Variants in SRSF2 observed in about 807,000 individuals in gnomAD.
SRSF2 encodes the protein serine/arginine-rich splicing factor 2.
SRSF2 carries 4 observed loss-of-function variants against 15.7 expected under a neutral mutation model. The ratio of observed to expected loss-of-function variants is 0.26; its 90% CI spans 0.13 to 0.58. The LOEUF (loss-of-function observed/expected upper bound fraction) is 0.58. Ranked by LOEUF, SRSF2 falls within the 20% of genes least tolerant of loss-of-function variation. SRSF2 has a pLI of 0.90. For missense variants in SRSF2, 147 were observed against 332.4 expected (o/e 0.44, Z 4.34); for synonymous variants, 192 against 138.9 (o/e 1.38, Z -2.69).
At position 76,736,302 on chromosome 17, in the gene SRSF2, C is replaced by CGACGAG; in HGVS notation, c.519_524dup (p.Ser174_Ser175dup). The CGACGAG allele has an allele frequency of 6.2e-7, 1 of 1,614,146 alleles. No homozygotes were observed. The highest frequency in any genetic ancestry group is 8.5e-7 in the Non-Finnish European group (1 of 1,180,000). The stretch of plus-strand genomic sequence containing the variant: ...TGGACCGCGAACGAGATCTGGAGAC[C>CGACGAG]GACGAGGACTTGGACTTGGACCTTC... On this transcript the variant is annotated inframe_insertion, in exon 2 of 3. Coordinates refer to ENST00000359995, the MANE Select transcript of SRSF2 (RefSeq NM_001195427.2).
chr17:76,736,824 C>A lies in SRSF2; in HGVS notation c.337G>T (p.Gly113Cys). Residue 113 changes from glycine (G) to cysteine (C), a missense_variant, in exon 1 of 3, where the codon GGT (glycine) becomes TGT (cysteine). By Grantham distance (159) the Gly-to-Cys change is radical. This residue lies in a region of SRSF2 where 125 missense variants were observed against 185.1 expected (regional missense o/e 0.68). Coordinates refer to ENST00000359995, the MANE Select transcript of SRSF2 (RefSeq NM_001195427.2). Reference sequence around the variant, plus strand: ...CTGCGGCTCCGGCGTCCGTAGCCACCGCCCCCGTACCTGCGGGGTGGCGGT... The same window carrying A: ...CTGCGGCTCCGGCGTCCGTAGCCACAGCCCCCGTACCTGCGGGGTGGCGGT... ...RGPPPRRYGG[G>C]GYGRRSRSPR... 1 of 1,594,160 alleles carries A rather than the reference C, an allele frequency of 6.3e-7. No individual in the cohort carries two copies. The highest frequency in any genetic ancestry group is 2.2e-5 in the East Asian group (1 of 44,478).
Position 76,737,226 on chromosome 17 carries a change from C to G in SRSF2, c.-66G>C. ...GCTTCCTCAGCTCTGGGCGGTGCGA[C>G]GCCGCGCCTCTCAGGCAGTTGCCTT... On this transcript the variant is annotated 5_prime_UTR_variant, in exon 1 of 3. Coordinates refer to ENST00000359995, the MANE Select transcript of SRSF2 (RefSeq NM_001195427.2). 1 of 1,466,264 alleles carries G rather than the reference C, an allele frequency of 6.8e-7. No individual in the cohort carries two copies. The highest frequency in any genetic ancestry group is 9.1e-7 in the Non-Finnish European group (1 of 1,103,174). 90.8% of individuals were successfully genotyped at this position (1,466,264 alleles called of 1,614,324 possible).
chr17:76,735,963 C>G (rs1434146124), intron 2 of SRSF2, 191 bp downstream of exon 2: 1 of 627,214 alleles, frequency 1.6e-6, no homozygotes, highest in Admixed American at 2.8e-5. Flanking sequence ...TACGAAACAG[C>G]CATTATTATC....
chr17:76,736,137 G>C lies in SRSF2; in HGVS notation c.*7+17C>G, dbSNP rs143205325. 12 of 1,571,480 alleles carry C rather than the reference G, an allele frequency of 7.6e-6. No homozygotes were observed. In the African/African-American group the frequency reaches 9.5e-5, roughly 12 times the overall value. On this transcript the variant is annotated intron_variant, in intron 2 of 2. Coordinates refer to ENST00000359995, the MANE Select transcript of SRSF2 (RefSeq NM_001195427.2). ...TTTATGAATTAGGGTTATGTGTCTC[G>C]GATTCCCAGACATTACCATTTTCTT...
In SRSF2 at chr17:76,735,030, G is replaced by A. The variant is rs1229858338; in HGVS notation, c.*136C>T. 1 of 221,320 alleles carries A rather than the reference G, an allele frequency of 4.5e-6. No individual in the cohort carries two copies. The highest frequency in any genetic ancestry group is 9.1e-6 in the Non-Finnish European group (1 of 110,282). The allele number at this position is 221,320 out of a possible 1,614,324, so 13.7% of individuals were successfully genotyped here. On this transcript the variant is annotated 3_prime_UTR_variant, in exon 3 of 3. Transcript: ENST00000359995. Reference sequence around the variant, plus strand: ...GCCAACTGAGGCAAAGCTTAAACAAGTAAAAAGTTAGACAAATGTTACAAA... The same window carrying A: ...GCCAACTGAGGCAAAGCTTAAACAAATAAAAAGTTAGACAAATGTTACAAA...
intron 1 of SRSF2, 94 bp from the exon 2 acceptor site, chr17:76,736,558 C>A: frequency 6.5e-6 from 9 of 1,387,864 alleles, no homozygotes; most frequent in Non-Finnish European, 8.7e-6. Flanking sequence ...ATTATCTCGC[C>A]GCCAGACGCC....
Position 76,737,331 on chromosome 17 carries a change from T to G in SRSF2, c.-171A>C. ...CAGGCTAGCGCACCTGAGTAACAAC[T>G]GGGCGGGCAGCCGGCCTCTGCGCCC... On this transcript the variant is annotated 5_prime_UTR_variant, in exon 1 of 3. Transcript: ENST00000359995. 1 of 866,334 alleles carries G rather than the reference T, an allele frequency of 1.2e-6. No homozygotes were observed. The highest frequency in any genetic ancestry group is 1.7e-5 in the African/African-American group (1 of 58,862). The allele number at this position is 866,334 out of a possible 1,614,324, so 53.7% of individuals were successfully genotyped here.
At chr17:76,735,290 A>C (rs2077404289) in intron 2 of SRSF2, 132 bp from the exon 3 acceptor site, 1 of 218,480 alleles carries the variant, frequency 4.6e-6, no homozygotes, top group South Asian at 1.9e-4. Context: ...CCATGTTTTT[A>C]AAAGGCCCAA....
intron 2 of SRSF2, 56 bp downstream of exon 2, chr17:76,736,094 GACCT>G: frequency 6.7e-7 from 1 of 1,494,280 alleles, no homozygotes; most frequent in Middle Eastern, 1.8e-4. Flanking sequence ...GACTCAAAAA[GACCT>G]ACCCCAAATC....
In SRSF2 at chr17:76,736,510, G is replaced by GGGGCC. The variant is rs761880835; in HGVS notation, c.363-51_363-47dup. 7.6e-6 allele frequency: 12 copies of GGGGCC among 1,583,670 alleles called. No individual in the cohort carries two copies. The Middle Eastern group carries it at 6.7e-4, about 88-fold the overall frequency. On this transcript the variant is annotated intron_variant, in intron 1 of 2. Coordinates refer to ENST00000359995, the MANE Select transcript of SRSF2 (RefSeq NM_001195427.2). Reference sequence around the variant, plus strand: ...CACAGCGGGGTTAATTCCAGGCAGCGGGGCCGGCCCCGCCCGCGCGCTCCC... The same window carrying GGGGCC: ...CACAGCGGGGTTAATTCCAGGCAGCGGGGCCGGGCCGGCCCCGCCCGCGCGCTCCC...
Position 76,735,005 on chromosome 17 carries a change from G to A in SRSF2, c.*161C>T, listed in dbSNP as rs1411503871. The stretch of plus-strand genomic sequence containing the variant: ...CAAAATGGCACATAAAATGAAGTTT[G>A]CCAACTGAGGCAAAGCTTAAACAAG... On this transcript the variant is annotated 3_prime_UTR_variant, in exon 3 of 3. Coordinates refer to ENST00000359995, the MANE Select transcript of SRSF2 (RefSeq NM_001195427.2). 2 of 222,380 alleles carry A rather than the reference G, an allele frequency of 9.0e-6. No homozygotes were observed. Among genetic ancestry groups the A allele is most frequent in the East Asian group, 1.3e-4 (2 of 15,026 alleles). The allele number at this position is 222,380 out of a possible 1,614,324, so 13.8% of individuals were successfully genotyped here.
intron 1 of SRSF2, 100 bp downstream of exon 1, chr17:76,736,699 C>A: frequency 7.6e-7 from 1 of 1,312,834 alleles, no homozygotes; most frequent in Non-Finnish European, 9.8e-7. Context: ...CCCGCCCCGT[C>A]CGGGCCCGCA....
In SRSF2 at chr17:76,736,655, G is replaced by T. The variant is rs989848999; in HGVS notation, c.362+144C>A. On this transcript the variant is annotated intron_variant, in intron 1 of 2. Transcript: ENST00000359995. ...GGTCGCAGACGGCGGAAGCTCGCGG[G>T]GTGGCCGGAGGGTCGCGAGACGCGG... 18 of 1,186,524 alleles carry T rather than the reference G, an allele frequency of 1.5e-5. No homozygotes were observed. The East Asian group carries it at 5.8e-4, about 38-fold the overall frequency. The allele number at this position is 1,186,524 out of a possible 1,614,324, so 73.5% of individuals were successfully genotyped here.
intron 1 of SRSF2, 90 bp from the exon 2 acceptor site, chr17:76,736,554 T>C (rs1272456255): frequency 2.0e-5 from 28 of 1,413,196 alleles, no homozygotes; most frequent in Non-Finnish European, 2.4e-5. Flanking sequence ...CGCCATTATC[T>C]CGCCGCCAGA....
intron 2 of SRSF2, 102 bp downstream of exon 2, chr17:76,736,052 C>A: frequency 8.2e-7 from 1 of 1,219,292 alleles, no homozygotes; most frequent in South Asian, 1.5e-5. Context: ...GAGCAGCACT[C>A]CTAATGATAG....
rs779792829 is a variant in SRSF2, at chr17:76,736,987, G to C, written c.174C>G (p.Ala58=). ...CGCGCTTGTCGTGAAAGCGAACGAA[G>C]GCGAAGCCGCGGGACTCCTTGGTGT... The part of the protein sequence containing the change: ...DRYTKESRGF[A]FVRFHDKRDA... Residue 58 remains alanine, a synonymous_variant, in exon 1 of 3, where the codon GCC becomes GCG. Coordinates refer to ENST00000359995, the MANE Select transcript of SRSF2 (RefSeq NM_001195427.2). The C allele has an allele frequency of 6.2e-7, 1 of 1,613,568 alleles. No homozygotes were observed. The highest frequency in any genetic ancestry group is 8.5e-7 in the Non-Finnish European group (1 of 1,179,928).
At chr17:76,735,752 T>TCGG in intron 2 of SRSF2, 7 of 347,860 alleles carry the variant, frequency 2.0e-5, no homozygotes, top group Non-Finnish European at 3.3e-5. Flanking sequence ...ATAGTGCATC[T>TCGG]TTAACATTTA....
At chr17:76,736,707 G>A (rs556956650) in intron 1 of SRSF2, 92 bp downstream of exon 1, 2 of 1,330,690 alleles carry the variant, frequency 1.5e-6, no homozygotes, top group Non-Finnish European at 9.7e-7. Context: ...GTCCGGGCCC[G>A]CACCACGTGC....
In SRSF2 at chr17:76,734,293, A is replaced by T. The variant is rs1156638044; in HGVS notation, c.*873T>A. 3 of 229,686 alleles carry T rather than the reference A, an allele frequency of 1.3e-5. No individual in the cohort carries two copies. The highest frequency in any genetic ancestry group is 2.6e-5 in the Non-Finnish European group (3 of 113,946). 14.2% of individuals were successfully genotyped at this position (229,686 alleles called of 1,614,324 possible). ...CATACATGTAGATATGATCAGATTT[A>T]CCATTTTTAGGGGGAAGAGGGAAAA... On this transcript the variant is annotated 3_prime_UTR_variant, in exon 3 of 3. Transcript: ENST00000359995.
Sources: allele counts gnomAD v4.1 joint callset, GRCh38; gene constraint gnomAD v4.1.1; regional missense constraint gnomAD v4.1.1; transcripts MANE v1.5; gene names NCBI Gene and HGNC (gene_info 2026-07-23, HGNC 2026-07-21).